Variants in EEFSEC observed in about 807,000 individuals in gnomAD.
EEFSEC encodes the protein eukaryotic elongation factor, selenocysteine-tRNA specific, also known as selenocysteine-specific elongation factor.
EEFSEC carries 43 observed loss-of-function variants against 42.1 expected under a neutral mutation model. That is an observed-to-expected ratio of 1.02 (90% CI 0.80 to 1.32). EEFSEC has a LOEUF of 1.32. Among genes scored for constraint, EEFSEC ranks in the 40% most tolerant of loss-of-function variants. The probability of loss-of-function intolerance (pLI) is 0.00; values close to 1 mark genes in which losing one functional copy is unlikely to be tolerated. For missense variants in EEFSEC, 745 were observed against 803.6 expected, an observed-to-expected ratio of 0.93 and a Z score of 0.88; for synonymous variants, 354 against 339.1, an observed-to-expected ratio of 1.04 and a Z score of -0.48.
intron 6 of EEFSEC, among the ~76,000 whole-genome samples, chr3:128,365,017 C>T (rs2737750): frequency 2.0e-5 from 3 of 152,242 alleles, no homozygotes; most frequent in African/African-American, 4.8e-5. Context: ...CCAGCTGGCT[C>T]TGCTCCCTTA....
At chr3:128,271,852 G>A (rs1355498539) in intron 4 of EEFSEC, among the ~76,000 whole-genome samples, 1 of 152,114 alleles carries the variant, frequency 6.6e-6, no homozygotes, top group African/African-American at 2.4e-5. Context: ...CTGTCTGTGG[G>A]TCCTCATTGT....
chr3:128,158,798 T>A (rs1944424071), intron 1 of EEFSEC, among the ~76,000 whole-genome samples: 2 of 152,274 alleles, frequency 1.3e-5, no homozygotes, highest in Admixed American at 1.3e-4. Flanking sequence ...CACAATATCT[T>A]TGAGGTAAGC....
chr3:128,412,915 C>G (rs998014273), downstream of EEFSEC, among the ~76,000 whole-genome samples: 3 of 152,082 alleles, frequency 2.0e-5, no homozygotes, highest in African/African-American at 7.2e-5. Context: ...GGACCTCGGG[C>G]AGCCAGGGAG....
Position 128,358,325 on chromosome 3 carries a change from A to G in EEFSEC, c.1552A>G (p.Ile518Val), listed in dbSNP as rs1166709253. 1 of 1,614,246 alleles carries G rather than the reference A, an allele frequency of 6.2e-7. No individual in the cohort carries two copies. The highest frequency in any genetic ancestry group is 1.3e-5 in the African/African-American group (1 of 75,074). ...CTTGTCCACTGGGGAACTGGGCATC[A>G]TCGACAGTGCCTTCGGCCAGAGCGG... Reference protein sequence around the residue: ...VHLSTGELGIIDSAFGQSGKF... With the variant: ...VHLSTGELGIVDSAFGQSGKF... Residue 518 changes from isoleucine to valine, a missense_variant, in exon 6 of 7, where the codon ATC becomes GTC. Physicochemically the swap from Ile to Val is conservative, Grantham distance 29. Transcript: ENST00000254730.
intron 5 of EEFSEC, among the ~76,000 whole-genome samples, chr3:128,355,520 G>C (rs1331870705): frequency 6.7e-6 from 1 of 149,178 alleles, no homozygotes; most frequent in African/African-American, 2.5e-5. Flanking sequence ...TCACAGGCAT[G>C]TATATGTATA....
chr3:128,331,737 T>C (rs979200932), intron 4 of EEFSEC, among the ~76,000 whole-genome samples: 4 of 152,204 alleles, frequency 2.6e-5, no homozygotes, highest in African/African-American at 9.6e-5. Flanking sequence ...AACTGCACAC[T>C]AAGATAGCAA....
At chr3:128,352,902 T>C (rs2067405898) in intron 5 of EEFSEC, among the ~76,000 whole-genome samples, 3 of 152,252 alleles carry the variant, frequency 2.0e-5, no homozygotes, top group African/African-American at 7.2e-5. Context: ...ATGCAGGTAG[T>C]CTGGCTCTAG....
At chr3:128,185,237 A>G (rs1395082223) in intron 1 of EEFSEC, among the ~76,000 whole-genome samples, 1 of 152,090 alleles carries the variant, frequency 6.6e-6, no homozygotes, top group Non-Finnish European at 1.5e-5. Context: ...GTATTATATA[A>G]TGTATGATAT....
intron 4 of EEFSEC, among the ~76,000 whole-genome samples, chr3:128,338,356 T>G (rs1345116705): frequency 6.6e-6 from 1 of 152,148 alleles, no homozygotes. Flanking sequence ...TTATCGATAA[T>G]GTAGTTCAGG....
At chr3:128,329,445 G>A (rs564583076) in intron 4 of EEFSEC, among the ~76,000 whole-genome samples, 11 of 151,536 alleles carry the variant, frequency 7.3e-5, no homozygotes, top group Non-Finnish European at 1.3e-4. Context: ...CTCTCAGTCT[G>A]GACAGGAGGC....
At chr3:128,163,060 A>AT (rs1424613708) in intron 1 of EEFSEC, among the ~76,000 whole-genome samples, 5 of 152,138 alleles carry the variant, frequency 3.3e-5, no homozygotes, top group African/African-American at 1.2e-4. Flanking sequence ...CCTTTCTGTC[A>AT]TTCTTTTGTT....
intron 1 of EEFSEC, among the ~76,000 whole-genome samples, chr3:128,236,647 C>T (rs1162315431): frequency 6.6e-6 from 1 of 152,040 alleles, no homozygotes; most frequent in Admixed American, 6.5e-5. Flanking sequence ...TCTTTATGCC[C>T]CTGCTTATTT....
intron 1 of EEFSEC, among the ~76,000 whole-genome samples, chr3:128,182,900 T>A: frequency 1.0e-5 from 1 of 97,214 alleles, no homozygotes; most frequent in Admixed American, 1.0e-4. Flanking sequence ...GTGGGGTGGT[T>A]GGTCTAGTAG....
intron 1 of EEFSEC, among the ~76,000 whole-genome samples, chr3:128,232,881 C>G (rs2065972502): frequency 6.6e-6 from 1 of 152,210 alleles, no homozygotes; most frequent in Non-Finnish European, 1.5e-5. Context: ...ACATAAGCAG[C>G]CATCACCCCC....
intron 4 of EEFSEC, among the ~76,000 whole-genome samples, chr3:128,301,152 T>TG (rs931671575): frequency 1.8e-4 from 28 of 152,092 alleles, no homozygotes; most frequent in African/African-American, 3.4e-4. Context: ...TGTTCCGTCC[T>TG]GGGGGGGTCA....
intron 4 of EEFSEC, among the ~76,000 whole-genome samples, chr3:128,322,846 G>A (rs1334167414): frequency 6.6e-6 from 1 of 152,112 alleles, no homozygotes; most frequent in Non-Finnish European, 1.5e-5. Flanking sequence ...CCCCACCTTT[G>A]CCCCTGCTGG....
chr3:128,393,823 C>A (rs772502432), intron 6 of EEFSEC, among the ~76,000 whole-genome samples: 3 of 152,246 alleles, frequency 2.0e-5, no homozygotes, highest in Non-Finnish European at 2.9e-5. Flanking sequence ...GAGGTAGGTG[C>A]AGGGCCAGGG....
At chr3:128,226,207 C>G (rs148286713) in intron 1 of EEFSEC, among the ~76,000 whole-genome samples, 1 of 152,266 alleles carries the variant, frequency 6.6e-6, no homozygotes, top group African/African-American at 2.4e-5. Flanking sequence ...AGGAGCTTGA[C>G]GAAGCTAGAC....
Position 128,341,578 on chromosome 3 carries a change from CA to C in EEFSEC, c.1133del (p.Gln378ArgfsTer7). 6.2e-7 allele frequency: 1 copy of C among 1,614,062 alleles called. No homozygotes were observed. Among genetic ancestry groups the C allele is most frequent in the Non-Finnish European group, 8.5e-7 (1 of 1,180,026 alleles). On this transcript the variant is annotated frameshift_variant, in exon 5 of 7. Coordinates refer to ENST00000254730, the MANE Select transcript of EEFSEC (RefSeq NM_021937.5). LOFTEE classifies it high-confidence loss of function. ...NFSQEYLFQEQYLSKDLTPAV... is the reference protein window; with the variant it reads ...NFSQEYLFQEXYLSKDLTPAV... Reference sequence around the variant, plus strand: ...CTCTCAAGAATACCTTTTCCAGGAGCAGTACCTGTCCAAGGATTTGACACCA... The same window carrying C: ...CTCTCAAGAATACCTTTTCCAGGAGCGTACCTGTCCAAGGATTTGACACCA...
Sources: gnomAD v4.1 joint callset for allele counts (sites outside exome capture counted in the v4.1 genomes callset) on GRCh38, gnomAD v4.1.1 for gene constraint, MANE v1.5 for transcripts, NCBI Gene and HGNC (gene_info 2026-07-23, HGNC 2026-07-21) for gene names.